NECTIN1: variants seen among roughly 807,000 people sequenced by gnomAD.
NECTIN1 encodes the protein nectin cell adhesion molecule 1, also known as nectin-1.
In NECTIN1, 23 loss-of-function variants were observed where a neutral mutation model predicts 48.0. That is an observed-to-expected ratio of 0.48 (90% CI 0.34 to 0.68). The LOEUF is 0.68. Ranked by LOEUF, NECTIN1 falls within the 30% of genes least tolerant of loss-of-function variation. NECTIN1 has a pLI of 0.01. For synonymous variants in NECTIN1, 270 were observed against 288.9 expected (o/e 0.93, Z 0.66); for missense variants, 591 against 709.9 (o/e 0.83, Z 1.90).
downstream of NECTIN1, among the ~76,000 whole-genome samples, chr11:119,657,763 TA>T (rs1249867679): frequency 7.0e-6 from 1 of 143,198 alleles, no homozygotes. Flanking sequence ...ATAATAATAA[TA>T]ATAATAATAA....
At position 119,661,335 on chromosome 11, in the gene NECTIN1, C is replaced by G. The variant is rs1324859488; in HGVS notation, c.*3412G>C. On this transcript the variant is annotated 3_prime_UTR_variant, in exon 6 of 6. Coordinates refer to ENST00000264025, the MANE Select transcript of NECTIN1 (RefSeq NM_002855.5). ...GTGGGACAGGGGCTCCTCCTGGCCT[C>G]ACAAGCTGGGCAGTGTTGGCAGCAG... is the stretch of plus-strand genomic sequence containing the variant. 4 of 986,148 alleles carry G rather than the reference C, an allele frequency of 4.1e-6. No homozygotes were observed. Among genetic ancestry groups the G allele is most frequent in the Non-Finnish European group, 4.8e-6 (4 of 830,260 alleles). 61.1% of individuals were successfully genotyped at this position (986,148 alleles called of 1,614,324 possible). A position where few individuals can be genotyped will look rare whatever the true frequency, so the allele number is the denominator to read the frequency against.
chr11:119,696,509 C>A (rs1865343510), intron 1 of NECTIN1, among the ~76,000 whole-genome samples: 2 of 152,184 alleles, frequency 1.3e-5, no homozygotes, highest in Admixed American at 6.5e-5. Context: ...CCCACCCCCA[C>A]TGAGAGCGGG....
At position 119,678,144 on chromosome 11, in the gene NECTIN1, C is replaced by T. The variant is rs917298335; in HGVS notation, c.430+271G>A. Among the ~76,000 whole-genome samples the T allele has an allele frequency of 3.9e-5, 6 of 152,158 alleles. No individual in the cohort carries two copies. Among genetic ancestry groups the T allele is most frequent in the African/African-American group, 7.2e-5 (3 of 41,458 alleles). On this transcript the variant is annotated intron_variant, in intron 2 of 5. Coordinates refer to ENST00000264025, the MANE Select transcript of NECTIN1 (RefSeq NM_002855.5). The surrounding 1 kb of genome is among the most constrained non-coding windows in gnomAD (Gnocchi z 4.4). ...CAGCGCAGGTGGCTCCTTTCCTTAC[C>T]GTGGTGTCTGATGCTGCTGCCAGCA...
At chr11:119,696,238 C>T (rs948259714) in intron 1 of NECTIN1, among the ~76,000 whole-genome samples, 1 of 152,236 alleles carries the variant, frequency 6.6e-6, no homozygotes, top group African/African-American at 2.4e-5. Context: ...GCCACTGAAC[C>T]CAGCCCAAAG....
Position 119,672,098 on chromosome 11 carries a change from T to C in NECTIN1, c.1003+3061A>G, listed in dbSNP as rs887451257. ...TGGGTCTGAAGAACTCCAGGACTGA[T>C]GGGCAGACTGTGACCCTCACCTGCA... On this transcript the variant is annotated intron_variant, in intron 5 of 5. Transcript: ENST00000264025. The surrounding 1 kb of genome is among the most constrained non-coding windows in gnomAD (Gnocchi z 4.3). Among the ~76,000 whole-genome samples, 1 of 152,220 alleles carries C rather than the reference T, an allele frequency of 6.6e-6. No homozygotes were observed. Among genetic ancestry groups the C allele is most frequent in the Non-Finnish European group, 1.5e-5 (1 of 68,038 alleles).
At position 119,678,824 on chromosome 11, in the gene NECTIN1, C is replaced by T. The variant is rs1052084844; in HGVS notation, c.80-59G>A. 8.5e-7 allele frequency: 1 copy of T among 1,174,026 alleles called. No homozygotes were observed. The highest frequency in any genetic ancestry group is 1.5e-5 in the African/African-American group (1 of 65,766). The allele number at this position is 1,174,026 out of a possible 1,614,324, so 72.7% of individuals were successfully genotyped here. A position where few individuals can be genotyped will look rare whatever the true frequency, so the allele number is the denominator to read the frequency against. ...CAGGCACAGCCTCCCCCCACCCACACAGTTCCCTGTGCTCTGGCCTTGTCT... is the reference window on the plus strand; with the variant it reads ...CAGGCACAGCCTCCCCCCACCCACATAGTTCCCTGTGCTCTGGCCTTGTCT... On this transcript the variant is annotated intron_variant, in intron 1 of 5. Transcript: ENST00000264025. The surrounding 1 kb of genome is among the most constrained non-coding windows in gnomAD (Gnocchi z 4.4).
Position 119,661,054 on chromosome 11 carries a change from A to G in NECTIN1, c.*3693T>C. On this transcript the variant is annotated 3_prime_UTR_variant, in exon 6 of 6. Coordinates refer to ENST00000264025, the MANE Select transcript of NECTIN1 (RefSeq NM_002855.5). ...TTAATCCTCAGTACATTTTCAACCCATCATTTTTTTTTAATACAAGTAAAA... is the reference window on the plus strand; with the variant it reads ...TTAATCCTCAGTACATTTTCAACCCGTCATTTTTTTTTAATACAAGTAAAA... 1 of 980,676 alleles carries G rather than the reference A, an allele frequency of 1.0e-6. No individual in the cohort carries two copies. The highest frequency in any genetic ancestry group is 1.2e-6 in the Non-Finnish European group (1 of 825,450). The allele number at this position is 980,676 out of a possible 1,614,324, so 60.7% of individuals were successfully genotyped here.
intron 5 of NECTIN1, among the ~76,000 whole-genome samples, chr11:119,669,836 A>C (rs1299399097): frequency 6.6e-6 from 1 of 151,980 alleles, no homozygotes; most frequent in African/African-American, 2.4e-5. Flanking sequence ...CCTTCTCATC[A>C]AGACCTTCCC....
At chr11:119,648,297 G>GAT (rs1346471332) in intron 5 of NECTIN1, among the ~76,000 whole-genome samples, 1 of 58,998 alleles carries the variant, frequency 1.7e-5, no homozygotes, top group Admixed American at 2.0e-4. Flanking sequence ...TGATGGTGGT[G>GAT]GTGGTGGTGA....
chr11:119,675,899 G>A (rs746607557), intron 4 of NECTIN1, among the ~76,000 whole-genome samples: 3 of 152,092 alleles, frequency 2.0e-5, no homozygotes, highest in Non-Finnish European at 4.4e-5. Context: ...CCAGTTACTC[G>A]GGAGGGTGAG....
chr11:119,691,070 A>G lies in NECTIN1; in HGVS notation c.80-12305T>C, dbSNP rs187062209. On this transcript the variant is annotated intron_variant, in intron 1 of 5. Coordinates refer to ENST00000264025, the MANE Select transcript of NECTIN1 (RefSeq NM_002855.5). Reference sequence around the variant, plus strand: ...AGCCTGAGCTGGAATACCCCAACTCAATGTGCTTGCCCCAGTGTTAACCAC... The same window carrying G: ...AGCCTGAGCTGGAATACCCCAACTCGATGTGCTTGCCCCAGTGTTAACCAC... 2.0e-3 allele frequency among the ~76,000 whole-genome samples: 300 copies of G among 152,170 alleles called. 4 individuals are homozygous for G. The highest frequency in any genetic ancestry group is 2.2e-3 in the Non-Finnish European group (151 of 68,002).
intron 6 of NECTIN1, chr11:119,639,666 G>GCGGT (rs938428942): frequency 9.2e-6 from 6 of 649,372 alleles, no homozygotes; most frequent in Non-Finnish European, 1.6e-5. Context: ...TTGAACTGGG[G>GCGGT]CGGTGCCTGG....
intron 1 of NECTIN1, among the ~76,000 whole-genome samples, chr11:119,726,245 C>A (rs1865905431): frequency 6.6e-6 from 1 of 152,168 alleles, no homozygotes; most frequent in Admixed American, 6.5e-5. Flanking sequence ...GGGGAGGAAG[C>A]CAGCAGGTGA....
At chr11:119,660,977 TG>T, downstream of NECTIN1, 1 of 969,774 alleles carries the variant, frequency 1.0e-6, no homozygotes, top group Non-Finnish European at 1.2e-6. Flanking sequence ...AGGGCAGTGA[TG>T]GGATGCAAAC....
chr11:119,693,157 C>G (rs1319333186), intron 1 of NECTIN1, among the ~76,000 whole-genome samples: 1 of 152,194 alleles, frequency 6.6e-6, no homozygotes, highest in Non-Finnish European at 1.5e-5. Context: ...GTTCCTCTTG[C>G]CTCCTCGTCC....
At chr11:119,717,969 C>T (rs1192701003) in intron 1 of NECTIN1, among the ~76,000 whole-genome samples, 3 of 152,234 alleles carry the variant, frequency 2.0e-5, no homozygotes, top group Admixed American at 6.5e-5. Flanking sequence ...AGAGGCCGCG[C>T]GGTAATTCAA....
At chr11:119,640,438 T>A (rs1864306779) in intron 5 of NECTIN1, 1 of 223,958 alleles carries the variant, frequency 4.5e-6, no homozygotes, top group South Asian at 6.9e-5. Flanking sequence ...CCCTCCCAGC[T>A]TGGGACAGAG....
chr11:119,676,569 G>T (rs988215495), intron 4 of NECTIN1, among the ~76,000 whole-genome samples: 1 of 152,236 alleles, frequency 6.6e-6, no homozygotes, highest in African/African-American at 2.4e-5. Flanking sequence ...AGAAGGCGAA[G>T]GCAAGGCAAG....
chr11:119,692,115 C>CT (rs397745753), intron 1 of NECTIN1, among the ~76,000 whole-genome samples: 2 of 151,920 alleles, frequency 1.3e-5, no homozygotes, highest in Admixed American at 6.6e-5. Context: ...CATGCTTCCC[C>CT]GCCCGACCAT....
Sources: allele counts gnomAD v4.1 joint callset (sites outside exome capture counted in the v4.1 genomes callset), GRCh38; gene constraint gnomAD v4.1.1; non-coding constraint Gnocchi (gnomAD v3.1); transcripts MANE v1.5; gene names NCBI Gene and HGNC (gene_info 2026-07-23, HGNC 2026-07-21).